The following NOX4 variants were observed in gnomAD, a reference collection of about 807,000 sequenced individuals.
NOX4 encodes the protein kidney oxidase-1.
NOX4 carries 69 observed loss-of-function variants against 87.6 expected under a neutral mutation model. The observed-to-expected ratio is 0.79, with a 90% confidence interval of 0.65 to 0.96. The LOEUF (loss-of-function observed/expected upper bound fraction) is 0.96, where lower values mean the gene tolerates loss of function less well. Among genes scored for constraint, NOX4 ranks in the 40% least tolerant of loss-of-function variants. The probability of loss-of-function intolerance (pLI) is 0.00; values close to 1 mark genes in which losing one functional copy is unlikely to be tolerated. For synonymous variants in NOX4, 275 were observed against 238.2 expected, an observed-to-expected ratio of 1.15 and a Z score of -1.42; for missense variants, 680 against 681.5, an observed-to-expected ratio of 1.00 and a Z score of 0.02.
At chr11:89,358,501 CATT>C (rs1343680891) in intron 12 of NOX4, among the ~76,000 whole-genome samples, 2 of 149,892 alleles carry the variant, frequency 1.3e-5, no homozygotes, top group Non-Finnish European at 3.0e-5. Context: ...TTATTTTTAT[CATT>C]ATATTAATAA....
intron 7 of NOX4, among the ~76,000 whole-genome samples, chr11:89,422,716 C>T (rs1943145778): frequency 6.6e-6 from 1 of 151,844 alleles, no homozygotes; most frequent in Non-Finnish European, 1.5e-5. Flanking sequence ...CAAGCAATTG[C>T]TTTACATTTA....
intron 6 of NOX4, among the ~76,000 whole-genome samples, chr11:89,438,008 C>T (rs1196435607): frequency 2.0e-5 from 3 of 151,482 alleles, no homozygotes; most frequent in Admixed American, 6.6e-5. Context: ...TCCCAAAGTA[C>T]CTGGGAAGGT....
At chr11:89,533,142 T>C in the NOX4 span, among the ~76,000 whole-genome samples, 1 of 152,228 alleles carries the variant, frequency 6.6e-6, no homozygotes, top group South Asian at 2.1e-4. Context: ...TCAAACTATA[T>C]AAAGTGTCTA....
chr11:89,505,887 A>G, the NOX4 span, among the ~76,000 whole-genome samples: 1 of 151,830 alleles, frequency 6.6e-6, no homozygotes, highest in Non-Finnish European at 1.5e-5. Flanking sequence ...ATGTAAAACA[A>G]TGGCTTTCAA....
the NOX4 span, among the ~76,000 whole-genome samples, chr11:89,563,886 C>T: frequency 6.6e-6 from 1 of 152,118 alleles, no homozygotes; most frequent in Admixed American, 6.5e-5. Context: ...GAAAATGACA[C>T]TTGCAAATTT....
At chr11:89,449,091 T>C (rs1309007743) in intron 4 of NOX4, among the ~76,000 whole-genome samples, 2 of 152,158 alleles carry the variant, frequency 1.3e-5, no homozygotes, top group African/African-American at 2.4e-5. Context: ...TGTAATTCCC[T>C]GTAGACAACC....
chr11:89,422,078 T>C, intron 7 of NOX4, 96 bp from the exon 8 acceptor site: 1 of 638,636 alleles, frequency 1.6e-6, no homozygotes, highest in Non-Finnish European at 2.6e-6. Flanking sequence ...ATCTCACAAT[T>C]TAAAAAAGCT....
At chr11:89,527,299 C>G in the NOX4 span, among the ~76,000 whole-genome samples, 2 of 152,146 alleles carry the variant, frequency 1.3e-5, no homozygotes, top group African/African-American at 2.4e-5. Context: ...GGAGGCAGAG[C>G]ATAAAAGTTC....
chr11:89,528,181 C>A, the NOX4 span, among the ~76,000 whole-genome samples: 1 of 152,186 alleles, frequency 6.6e-6, no homozygotes, highest in Admixed American at 6.5e-5. Context: ...TGGCCAATTT[C>A]TTCCATTTGG....
upstream of NOX4, chr11:89,498,683 G>T (rs1021917584): frequency 6.6e-6 from 1 of 152,316 alleles, no homozygotes; most frequent in Non-Finnish European, 1.5e-5. Context: ...CAGGAGGGCC[G>T]AGGGATATGA....
chr11:89,396,732 A>T (rs1941519208), intron 11 of NOX4, among the ~76,000 whole-genome samples: 1 of 152,190 alleles, frequency 6.6e-6, no homozygotes, highest in Non-Finnish European at 1.5e-5. Context: ...AGGCCATTAC[A>T]TAATGGTAAA....
intron 15 of NOX4, among the ~76,000 whole-genome samples, chr11:89,338,280 G>C (rs1160561979): frequency 6.6e-6 from 1 of 151,984 alleles, no homozygotes; most frequent in Non-Finnish European, 1.5e-5. Flanking sequence ...TATTTATTTA[G>C]CATTATATCT....
chr11:89,462,263 G>A (rs1160676758), intron 2 of NOX4, among the ~76,000 whole-genome samples: 2 of 152,046 alleles, frequency 1.3e-5, no homozygotes, highest in African/African-American at 4.8e-5. Flanking sequence ...TTTCATGTAG[G>A]GAGATTTAAT....
chr11:89,558,060 G>A, the NOX4 span, among the ~76,000 whole-genome samples: 23 of 152,092 alleles, frequency 1.5e-4, no homozygotes, highest in Admixed American at 4.6e-4. Context: ...CAGAATGATT[G>A]TACAGATCTC....
the NOX4 span, chr11:89,545,594 C>T: frequency 1.3e-5 from 2 of 151,582 alleles, no homozygotes; most frequent in South Asian, 2.1e-4. Flanking sequence ...GATGACAATA[C>T]ATCACCAGAA....
In NOX4 at chr11:89,490,546, C is replaced by T. The variant is rs1461056895; in HGVS notation, c.65G>A (p.Trp22Ter). The T allele has an allele frequency of 6.2e-7, 1 of 1,613,332 alleles. No homozygotes were observed. The highest frequency in any genetic ancestry group is 1.1e-5 in the South Asian group (1 of 91,052). Residue 22 changes from tryptophan (W) to a stop codon, truncating the protein, a stop_gained, in exon 2 of 18, where the codon TGG (tryptophan) becomes TAG (stop). Coordinates refer to ENST00000263317, the MANE Select transcript of NOX4 (RefSeq NM_016931.5). LOFTEE classifies it high-confidence loss of function. ...GAAAAGCAGGACATTCATGGAGAGC[C>T]AGATGAACTAAACCAATCAGACATG... ...EGVKHLCLFI[W>*]LSMNVLLFWK...
At chr11:89,449,566 A>AT in intron 3 of NOX4, 42 bp from the exon 4 acceptor site, 1 of 1,493,774 alleles carries the variant, frequency 6.7e-7, no homozygotes, top group East Asian at 2.3e-5. Context: ...AATGCAACAA[A>AT]TGTGATAAAA....
chr11:89,493,725 TTA>T (rs1565357783), upstream of NOX4, among the ~76,000 whole-genome samples: 44 of 60,036 alleles, frequency 7.3e-4, no homozygotes, highest in Middle Eastern at 7.8e-3. Flanking sequence ...GATTGTTTTA[TTA>T]TTATTATTAT....
chr11:89,568,340 T>A, the NOX4 span, among the ~76,000 whole-genome samples: 1 of 151,956 alleles, frequency 6.6e-6, no homozygotes, highest in Non-Finnish European at 1.5e-5. Context: ...AGACCACAAG[T>A]TGGAGTAATA....
Sources: allele counts gnomAD v4.1 joint callset (sites outside exome capture counted in the v4.1 genomes callset), GRCh38; gene constraint gnomAD v4.1.1; transcripts MANE v1.5; gene names NCBI Gene and HGNC (gene_info 2026-07-23, HGNC 2026-07-21).